The following SENP7 variants were observed in gnomAD, a reference collection of about 807,000 sequenced individuals.
The protein encoded by SENP7 is sentrin-specific protease 7.
SENP7 carries 64 observed loss-of-function variants against 141.2 expected under a neutral mutation model. The observed-to-expected ratio is 0.45, with a 90% confidence interval of 0.37 to 0.56. The LOEUF (loss-of-function observed/expected upper bound fraction) is 0.56. Among genes scored for constraint, SENP7 ranks in the 20% least tolerant of loss-of-function variants. The probability of loss-of-function intolerance (pLI) is 0.00; values close to 1 mark genes in which losing one functional copy is unlikely to be tolerated. For synonymous variants in SENP7, 382 were observed against 426.4 expected (o/e 0.90, Z 1.28); for missense variants, 1,025 against 1,212.2 (o/e 0.85, Z 2.29).
At chr3:101,446,560 A>C (rs901588472) in intron 4 of SENP7, among the ~76,000 whole-genome samples, 2 of 152,242 alleles carry the variant, frequency 1.3e-5, no homozygotes, top group African/African-American at 4.8e-5. Flanking sequence ...GAAATCATAT[A>C]AAGTATCTCC....
At chr3:101,386,364 C>G (rs764407595) in intron 6 of SENP7, among the ~76,000 whole-genome samples, 13 of 152,180 alleles carry the variant, frequency 8.5e-5, no homozygotes, top group Non-Finnish European at 2.9e-5. Context: ...CCCCTTGGCC[C>G]TGGCAGGACC....
chr3:101,360,540 CA>C (rs1411113287), intron 11 of SENP7, among the ~76,000 whole-genome samples: 7 of 152,182 alleles, frequency 4.6e-5, no homozygotes, highest in Non-Finnish European at 1.0e-4. Flanking sequence ...ATCCCTAACA[CA>C]GTGAAATATG....
chr3:101,408,147 A>G (rs1033603225), intron 5 of SENP7, among the ~76,000 whole-genome samples: 2 of 152,144 alleles, frequency 1.3e-5, no homozygotes, highest in African/African-American at 4.8e-5. Flanking sequence ...AGGCTACTAT[A>G]AACACCTTTA....
chr3:101,463,063 A>G (rs2107906935), intron 3 of SENP7, among the ~76,000 whole-genome samples: 1 of 151,862 alleles, frequency 6.6e-6, no homozygotes, highest in South Asian at 2.1e-4. Flanking sequence ...ATCAATAACA[A>G]AGACTAAAAA....
intron 15 of SENP7, among the ~76,000 whole-genome samples, chr3:101,340,973 C>T (rs2059311905): frequency 6.6e-6 from 1 of 152,076 alleles, no homozygotes; most frequent in Admixed American, 6.5e-5. Flanking sequence ...ACTTCTTGCG[C>T]CAGAAAGGTT....
At chr3:101,355,113 T>C (rs767954240) in intron 11 of SENP7, among the ~76,000 whole-genome samples, 8 of 152,216 alleles carry the variant, frequency 5.3e-5, no homozygotes, top group African/African-American at 1.2e-4. Flanking sequence ...TGCTAGATAT[T>C]AGACCTTTGT....
intron 4 of SENP7, among the ~76,000 whole-genome samples, chr3:101,446,119 T>C (rs1038967690): frequency 1.6e-4 from 25 of 152,186 alleles, no homozygotes; most frequent in African/African-American, 6.0e-4. Flanking sequence ...TGGTTATTTA[T>C]AAAAGTGTAG....
At chr3:101,333,654 G>A (rs1297708826) in intron 17 of SENP7, among the ~76,000 whole-genome samples, 1 of 152,082 alleles carries the variant, frequency 6.6e-6, no homozygotes, top group Non-Finnish European at 1.5e-5. Flanking sequence ...GGAAACTACA[G>A]GATGATGTTA....
chr3:101,463,364 A>AT (rs1553744608), intron 3 of SENP7, among the ~76,000 whole-genome samples: 16 of 89,212 alleles, frequency 1.8e-4, no homozygotes, highest in South Asian at 3.6e-4. Flanking sequence ...TAAATAAATA[A>AT]ATATATATAT....
intron 4 of SENP7, among the ~76,000 whole-genome samples, chr3:101,431,558 T>C (rs1351326513): frequency 7.3e-6 from 1 of 136,966 alleles, no homozygotes; most frequent in Admixed American, 7.8e-5. Flanking sequence ...TAGATCTTCC[T>C]ACATCACTTG....
chr3:101,445,631 A>T (rs2062860058), intron 4 of SENP7, among the ~76,000 whole-genome samples: 1 of 152,212 alleles, frequency 6.6e-6, no homozygotes, highest in Non-Finnish European at 1.5e-5. Context: ...TAAAAAAACA[A>T]GACCAAACTA....
chr3:101,374,349 C>T (rs551271042), intron 6 of SENP7, among the ~76,000 whole-genome samples: 18 of 152,216 alleles, frequency 1.2e-4, no homozygotes, highest in African/African-American at 4.3e-4. Flanking sequence ...AACTATAAAA[C>T]TCTTAGAAGA....
intron 3 of SENP7, among the ~76,000 whole-genome samples, chr3:101,479,921 A>AC (rs56375439): frequency 8.1e-4 from 59 of 72,484 alleles, no homozygotes; most frequent in East Asian, 2.3e-3. Flanking sequence ...AAAAAAAAAA[A>AC]ACACACACAC....
At chr3:101,467,852 T>G (rs1432215235) in intron 3 of SENP7, among the ~76,000 whole-genome samples, 1 of 152,198 alleles carries the variant, frequency 6.6e-6, no homozygotes, top group African/African-American at 2.4e-5. Context: ...GGATGGAGAA[T>G]GACTTTAACG....
In SENP7 at chr3:101,503,163, C is replaced by T. The variant is rs944664573; in HGVS notation, c.41-2044G>A. On this transcript the variant is annotated intron_variant, in intron 1 of 23. Transcript: ENST00000394095. The stretch of plus-strand genomic sequence containing the variant: ...GCCAATAAACATATAAACAGGTGCT[C>T]AATTTCATAATCACTAGGGAAATGC... Among the ~76,000 whole-genome samples, 13 of 152,068 alleles carry T rather than the reference C, an allele frequency of 8.5e-5. No homozygotes were observed. The East Asian group carries it at 1.3e-3, about 16-fold the overall frequency.
chr3:101,497,080 A>G (rs1576528939), intron 2 of SENP7, among the ~76,000 whole-genome samples: 1 of 152,250 alleles, frequency 6.6e-6, no homozygotes, highest in East Asian at 1.9e-4. Context: ...TATATAAATT[A>G]CGGGATTAAG....
At chr3:101,493,517 T>C (rs1325376645) in intron 3 of SENP7, among the ~76,000 whole-genome samples, 3 of 152,338 alleles carry the variant, frequency 2.0e-5, no homozygotes, top group East Asian at 3.9e-4. Context: ...AATATAGTTA[T>C]ATTACTCCTT....
chr3:101,383,852 G>A (rs947536858), intron 6 of SENP7, among the ~76,000 whole-genome samples: 14 of 152,228 alleles, frequency 9.2e-5, no homozygotes, highest in African/African-American at 3.4e-4. Context: ...AGAAAGGGGA[G>A]TGTCCCCAGT....
intron 14 of SENP7, 85 bp downstream of exon 14, chr3:101,343,601 A>G: frequency 7.3e-7 from 1 of 1,369,412 alleles, no homozygotes. Context: ...CACAAAATGT[A>G]GCATTTGAAA....
Sources: allele counts gnomAD v4.1 joint callset (sites outside exome capture counted in the v4.1 genomes callset), GRCh38; gene constraint gnomAD v4.1.1; transcripts MANE v1.5; gene names NCBI Gene and HGNC (gene_info 2026-07-23, HGNC 2026-07-21).